CYTH1: variants seen among roughly 807,000 people sequenced by gnomAD.
CYTH1 encodes the protein cytohesin-1.
CYTH1 carries 18 observed loss-of-function variants against 61.8 expected under a neutral mutation model. That is an observed-to-expected ratio of 0.29 (90% confidence interval 0.20 to 0.43). The LOEUF is 0.43. Among genes scored for constraint, CYTH1 ranks in the 20% least tolerant of loss-of-function variants. CYTH1 has a pLI of 1.00. For missense variants in CYTH1, 336 were observed against 510.5 expected (o/e 0.66, Z 3.29); for synonymous variants, 174 against 184.3 (o/e 0.94, Z 0.45).
At chr17:78,741,056 A>G (rs1008271056) in intron 1 of CYTH1, among the ~76,000 whole-genome samples, 2 of 152,256 alleles carry the variant, frequency 1.3e-5, no homozygotes, top group African/African-American at 4.8e-5. Flanking sequence ...ATAAATCAAC[A>G]AAGTAGAAGA....
chr17:78,780,480 C>T (rs765898020), intron 1 of CYTH1, among the ~76,000 whole-genome samples: 1 of 152,224 alleles, frequency 6.6e-6, no homozygotes. Flanking sequence ...AGCGCCCCTG[C>T]ACTCCAGCCT....
At chr17:78,689,911 G>A (rs7502105) in intron 11 of CYTH1, among the ~76,000 whole-genome samples, 10,410 of 151,858 alleles carry the variant, frequency 0.069, 749 homozygotes, top group African/African-American at 0.17. Context: ...ATCCTGGGCC[G>A]TGAGGTAGAA....
intron 9 of CYTH1, 84 bp downstream of exon 9, chr17:78,698,185 A>G (rs543653771): frequency 5.0e-5 from 56 of 1,116,136 alleles, no homozygotes; most frequent in Admixed American, 3.5e-4. Flanking sequence ...ACACGCGCAC[A>G]CACGCACGCA....
At position 78,700,609 on chromosome 17, in the gene CYTH1, C is replaced by T. The variant is rs2092998442; in HGVS notation, c.438-166G>A. Among the ~76,000 whole-genome samples the T allele has an allele frequency of 1.3e-5, 2 of 152,030 alleles. No individual in the cohort carries two copies. Among genetic ancestry groups the T allele is most frequent in the South Asian group, 4.2e-4 (2 of 4,812 alleles). ...GCGTGATCTTGGCTCACTGCAACCT[C>T]TGCCTGCCGGGTTCAGGCAATCTTC... On this transcript the variant is annotated intron_variant, in intron 6 of 13. Coordinates refer to ENST00000446868, the MANE Select transcript of CYTH1 (RefSeq NM_004762.6). The surrounding 1 kb of genome is among the most constrained non-coding windows in gnomAD (Gnocchi z 5.1).
intron 1 of CYTH1, among the ~76,000 whole-genome samples, chr17:78,745,461 G>C (rs1355051409): frequency 1.3e-5 from 2 of 152,172 alleles, no homozygotes; most frequent in Non-Finnish European, 2.9e-5. Context: ...ACTACTCCTA[G>C]AAGTGGTTGC....
intron 1 of CYTH1, among the ~76,000 whole-genome samples, chr17:78,776,094 G>A (rs531747919): frequency 1.4e-4 from 21 of 152,292 alleles, no homozygotes; most frequent in African/African-American, 5.1e-4. Context: ...GGCAGAAGTT[G>A]CAGTGAGCTA....
chr17:78,769,656 G>T lies in CYTH1; in HGVS notation c.22+12546C>A, dbSNP rs558098656. Among the ~76,000 whole-genome samples, 8 of 152,270 alleles carry T rather than the reference G, an allele frequency of 5.3e-5. No individual in the cohort carries two copies. The East Asian group carries it at 1.5e-3, about 29-fold the overall frequency. On this transcript the variant is annotated intron_variant, in intron 1 of 13. Transcript: ENST00000446868. Reference sequence around the variant, plus strand: ...GACTCAAAGCATCGGTGACAACAGGGACTACATGGTATGAAATGATCACTC... The same window carrying T: ...GACTCAAAGCATCGGTGACAACAGGTACTACATGGTATGAAATGATCACTC...
rs2092970656 is a variant in CYTH1 at position 78,698,477 on chromosome 17, T to TA, written c.700-98dup. ...CATTCCACAAGCATTCATGTGCCTA[T>TA]AGTAAGCCAAGCCTGCTAGATGCTG... On this transcript the variant is annotated intron_variant, in intron 8 of 13. Transcript: ENST00000446868. 46 of 1,005,034 alleles carry TA rather than the reference T, an allele frequency of 4.6e-5. No individual in the cohort carries two copies. The South Asian group carries it at 5.9e-4, about 13-fold the overall frequency. 62.3% of individuals were successfully genotyped at this position (1,005,034 alleles called of 1,614,324 possible).
intron 1 of CYTH1, among the ~76,000 whole-genome samples, chr17:78,711,314 T>TACACACACAC (rs71365530): frequency 9.0e-4 from 128 of 142,490 alleles, no homozygotes; most frequent in African/African-American, 3.3e-3. Flanking sequence ...TATATATATA[T>TACACACACAC]ACACACACAC....
At chr17:78,729,553 T>C (rs937059247) in intron 1 of CYTH1, among the ~76,000 whole-genome samples, 1 of 152,200 alleles carries the variant, frequency 6.6e-6, no homozygotes, top group African/African-American at 2.4e-5. Flanking sequence ...GAGTGTAAAC[T>C]GGTACAACCT....
Position 78,696,027 on chromosome 17 carries a change from G to A in CYTH1, c.812-18C>T. The A allele has an allele frequency of 7.3e-7, 1 of 1,367,818 alleles. No individual in the cohort carries two copies. Among genetic ancestry groups the A allele is most frequent in the Non-Finnish European group, 9.8e-7 (1 of 1,021,960 alleles). 84.7% of individuals were successfully genotyped at this position (1,367,818 alleles called of 1,614,324 possible). The stretch of plus-strand genomic sequence containing the variant: ...CATACCTCCTGGAGTTTGGGGCAAG[G>A]AAAAGGAGAGCCAAAATCATGGAAA... On this transcript the variant is annotated intron_variant, in intron 9 of 13. Transcript: ENST00000446868.
In CYTH1 at chr17:78,711,308, T is replaced by TA. The variant is rs1328628180; in HGVS notation, c.23-1577dup. On this transcript the variant is annotated intron_variant, in intron 1 of 13. Coordinates refer to ENST00000446868, the MANE Select transcript of CYTH1 (RefSeq NM_004762.6). ...AATAAATAAATAAATAAATAATATATATATATACACACACACACACACACA... is the reference window on the plus strand; with the variant it reads ...AATAAATAAATAAATAAATAATATATAATATATACACACACACACACACACA... Among the ~76,000 whole-genome samples the TA allele has an allele frequency of 3.2e-3, 445 of 138,932 alleles. 1 individual carries two copies. Among genetic ancestry groups the TA allele is most frequent in the African/African-American group, 0.012 (408 of 32,780 alleles). 91.1% of individuals were successfully genotyped at this position (138,932 alleles called of 152,430 possible). A position where few individuals can be genotyped will look rare whatever the true frequency, so the allele number is the denominator to read the frequency against.
chr17:78,676,330 C>T, intron 13 of CYTH1, 161 bp from the exon 14 acceptor site: 1 of 649,252 alleles, frequency 1.5e-6, no homozygotes, highest in South Asian at 1.9e-5. Context: ...TTGCTGTGTC[C>T]ACACAGTGAC....
intron 11 of CYTH1, among the ~76,000 whole-genome samples, chr17:78,686,827 G>A (rs1047911349): frequency 1.3e-5 from 2 of 152,030 alleles, no homozygotes; most frequent in Non-Finnish European, 2.9e-5. Context: ...TGTTGCCCAG[G>A]CTGGAGTGCA....
At chr17:78,695,104 T>C (rs1032497270) in intron 10 of CYTH1, among the ~76,000 whole-genome samples, 4 of 152,094 alleles carry the variant, frequency 2.6e-5, no homozygotes, top group African/African-American at 9.7e-5. Flanking sequence ...TGTTTGGGGT[T>C]GTTCTTTTTA....
chr17:78,708,365 A>T, intron 2 of CYTH1, 104 bp from the exon 3 acceptor site: 1 of 1,042,406 alleles, frequency 9.6e-7, no homozygotes, highest in Non-Finnish European at 1.4e-6. Context: ...AAAATAAAGC[A>T]AAATGAAACA....
intron 1 of CYTH1, among the ~76,000 whole-genome samples, chr17:78,763,354 C>T (rs958658765): frequency 1.3e-5 from 2 of 151,488 alleles, no homozygotes; most frequent in East Asian, 1.9e-4. Flanking sequence ...CATTTATATA[C>T]ACATTTGTCA....
chr17:78,767,436 G>A (rs2093453411), intron 1 of CYTH1, among the ~76,000 whole-genome samples: 2 of 152,146 alleles, frequency 1.3e-5, no homozygotes, highest in Non-Finnish European at 2.9e-5. Context: ...CCTACACTGT[G>A]AGCTTCTGGA....
At chr17:78,774,124 G>T (rs2093482267) in intron 1 of CYTH1, among the ~76,000 whole-genome samples, 1 of 152,200 alleles carries the variant, frequency 6.6e-6, no homozygotes, top group African/African-American at 2.4e-5. Flanking sequence ...TTACAGGTAC[G>T]TGTACTGATA....
Sources: gnomAD v4.1 joint callset for allele counts (sites outside exome capture counted in the v4.1 genomes callset) on GRCh38, gnomAD v4.1.1 for gene constraint, Gnocchi (gnomAD v3.1) non-coding constraint, MANE v1.5 for transcripts, NCBI Gene and HGNC (gene_info 2026-07-23, HGNC 2026-07-21) for gene names.